The following SDCBP variants were observed in gnomAD, a reference collection of about 807,000 sequenced individuals.
The protein encoded by SDCBP is syntenin-1.
Under a neutral mutation model 30.5 loss-of-function variants are expected in SDCBP, and 22 were observed. The ratio of observed to expected loss-of-function variants is 0.72; its 90% CI spans 0.52 to 1.03. The LOEUF is 1.03. Among genes scored for constraint, SDCBP ranks in the 50% least tolerant of loss-of-function variants. The pLI is 0.00. For synonymous variants in SDCBP, 103 were observed against 118.7 expected (o/e 0.87, Z 0.86); for missense variants, 304 against 369.9 (o/e 0.82, Z 1.46).
chr8:58,569,077 C>G (rs768673333), intron 2 of SDCBP, among the ~76,000 whole-genome samples: 5 of 152,062 alleles, frequency 3.3e-5, no homozygotes, highest in African/African-American at 4.8e-5. Context: ...GAGTCTGGCT[C>G]TGTCACCAGG....
chr8:58,567,197 T>C (rs556220499), intron 2 of SDCBP, among the ~76,000 whole-genome samples: 1 of 152,248 alleles, frequency 6.6e-6, no homozygotes, highest in Non-Finnish European at 1.5e-5. Flanking sequence ...TGGTTTACAG[T>C]ACTTAAAATT....
intron 1 of SDCBP, among the ~76,000 whole-genome samples, chr8:58,553,819 G>A (rs1000135383): frequency 2.0e-5 from 3 of 152,232 alleles, no homozygotes; most frequent in African/African-American, 7.2e-5. Context: ...GGAAGGAAGT[G>A]TTTGTTTATT....
chr8:58,571,008 T>C, intron 3 of SDCBP, 43 bp downstream of exon 3: 2 of 1,415,356 alleles, frequency 1.4e-6, no homozygotes, highest in Non-Finnish European at 2.0e-6. Flanking sequence ...ACAGAAATAT[T>C]GTTATCTTCT....
At chr8:58,576,287 A>G in intron 5 of SDCBP, 1 of 436,850 alleles carries the variant, frequency 2.3e-6, no homozygotes, top group East Asian at 3.9e-5. Context: ...TCTTTTCTGA[A>G]TATTCTAACT....
intron 1 of SDCBP, among the ~76,000 whole-genome samples, chr8:58,563,420 G>A (rs919902175): frequency 1.3e-5 from 2 of 152,076 alleles, no homozygotes; most frequent in African/African-American, 4.8e-5. Context: ...GCTGGAAGGA[G>A]GGTAGAATGG....
rs1222574515 is a variant in SDCBP at position 58,581,720 on chromosome 8, C to G, written c.877C>G (p.His293Asp). 6.2e-7 allele frequency: 1 copy of G among 1,612,286 alleles called. No individual in the cohort carries two copies. Among genetic ancestry groups the G allele is most frequent in the Non-Finnish European group, 8.5e-7 (1 of 1,179,138 alleles). The change falls in exon 9 of 9, where the codon CAC (histidine) becomes GAC (aspartate). Residue 293 changes from histidine (H) to aspartate (D), a missense_variant. Transcript: ENST00000260130. ...AAGCATTATGAAAAGCCTAATGGAC[C>G]ACACCATTCCTGAGGTTTAAAATTC... ...APSIMKSLMD[H>D]TIPEV
At chr8:58,577,937 G>C (rs1805439420) in intron 5 of SDCBP, 96 bp from the exon 6 acceptor site, 4 of 906,364 alleles carry the variant, frequency 4.4e-6, no homozygotes, top group Non-Finnish European at 6.8e-6. Context: ...CACTGGGGTA[G>C]AGTTTTCAAC....
chr8:58,553,998 A>C (rs1803966601), intron 1 of SDCBP, among the ~76,000 whole-genome samples: 2 of 152,306 alleles, frequency 1.3e-5, no homozygotes, highest in South Asian at 4.1e-4. Context: ...CCTTCCTTTC[A>C]GGATTTCCTT....
intron 2 of SDCBP, among the ~76,000 whole-genome samples, chr8:58,565,949 G>A (rs116308562): frequency 1.3e-5 from 2 of 152,020 alleles, no homozygotes; most frequent in Non-Finnish European, 2.9e-5. Flanking sequence ...TAGAAAGTGA[G>A]ATATTCAATT....
intron 4 of SDCBP, among the ~76,000 whole-genome samples, chr8:58,575,087 T>C (rs1805246387): frequency 1.3e-5 from 2 of 152,210 alleles, no homozygotes; most frequent in Admixed American, 1.3e-4. Flanking sequence ...AGTTTGACTC[T>C]TTTCAGATTC....
At chr8:58,561,128 A>G (rs1804417770) in intron 1 of SDCBP, 1 of 149,390 alleles carries the variant, frequency 6.7e-6, no homozygotes, top group African/African-American at 2.6e-5. Flanking sequence ...GTGTTTTTCA[A>G]GGAGAAGAAT....
intron 1 of SDCBP, among the ~76,000 whole-genome samples, chr8:58,563,076 G>T (rs1804521754): frequency 6.6e-6 from 1 of 152,090 alleles, no homozygotes; most frequent in South Asian, 2.1e-4. Context: ...AATTAAAGAT[G>T]CATTTATTAA....
chr8:58,570,823 AAATTAT>A (rs1804971384), intron 2 of SDCBP, 58 bp from the exon 3 acceptor site: 1 of 1,122,050 alleles, frequency 8.9e-7, no homozygotes, highest in Admixed American at 1.9e-5. Context: ...TTTAGCTTAT[AAATTAT>A]ATAAGAATAT....
intron 2 of SDCBP, among the ~76,000 whole-genome samples, chr8:58,565,919 G>T (rs1253835933): frequency 6.6e-6 from 1 of 151,822 alleles, no homozygotes; most frequent in Non-Finnish European, 1.5e-5. Context: ...CATTTTATTG[G>T]GTCCCTGTCT....
At chr8:58,557,587 A>G (rs1306109031) in intron 1 of SDCBP, among the ~76,000 whole-genome samples, 1 of 151,450 alleles carries the variant, frequency 6.6e-6, no homozygotes, top group African/African-American at 2.4e-5. Flanking sequence ...AATAGAAACT[A>G]TTTGTGAGTT....
intron 1 of SDCBP, among the ~76,000 whole-genome samples, chr8:58,557,163 T>C (rs1270271894): frequency 8.5e-6 from 1 of 117,682 alleles, no homozygotes; most frequent in Non-Finnish European, 1.6e-5. Context: ...TATATAATTA[T>C]AATGTATATT....
chr8:58,554,350 T>C (rs371270668), intron 1 of SDCBP, among the ~76,000 whole-genome samples: 1 of 152,248 alleles, frequency 6.6e-6, no homozygotes. Flanking sequence ...GTTCAGTCTT[T>C]TTATTTTCCT....
At chr8:58,579,429 A>G (rs1210818849) in intron 6 of SDCBP, among the ~76,000 whole-genome samples, 194 bp from the exon 7 acceptor site, 1 of 152,232 alleles carries the variant, frequency 6.6e-6, no homozygotes, top group African/African-American at 2.4e-5. Context: ...CAGTCAAACC[A>G]TAATGAATAA....
intron 1 of SDCBP, chr8:58,561,826 G>A: frequency 1.5e-6 from 1 of 668,194 alleles, no homozygotes; most frequent in Non-Finnish European, 2.7e-6. Flanking sequence ...TGATATATAA[G>A]TCTAAGACAA....
Sources: gnomAD v4.1 joint callset for allele counts (sites outside exome capture counted in the v4.1 genomes callset) on GRCh38, gnomAD v4.1.1 for gene constraint, MANE v1.5 for transcripts, NCBI Gene and HGNC (gene_info 2026-07-23, HGNC 2026-07-21) for gene names.